Variants in CABIN1 observed in about 807,000 individuals in gnomAD.
CABIN1 encodes calcineurin-binding protein cabin-1.
A neutral mutation model predicts 227.7 loss-of-function variants in CABIN1; 133 were observed. The observed-to-expected ratio is 0.58, with a 90% CI of 0.51 to 0.67. CABIN1 has a LOEUF of 0.67. Among genes scored for constraint, CABIN1 ranks in the 30% least tolerant of loss-of-function variants. The pLI is 0.00. For missense variants in CABIN1, 2,408 were observed against 2,852.5 expected (o/e 0.84, Z 3.55); for synonymous variants, 1,086 against 1,155.1 (o/e 0.94, Z 1.21).
At chr22:24,112,451 G>T (rs1255190068) in intron 26 of CABIN1, among the ~76,000 whole-genome samples, 2 of 152,146 alleles carry the variant, frequency 1.3e-5, no homozygotes, top group Non-Finnish European at 2.9e-5. Flanking sequence ...TTGCCACAAG[G>T]TTTTTCTCAA....
intron 29 of CABIN1, among the ~76,000 whole-genome samples, chr22:24,135,178 G>A (rs1602277278): frequency 1.3e-5 from 2 of 151,860 alleles, no homozygotes; most frequent in Admixed American, 1.3e-4. Context: ...ATCATCTGAG[G>A]TCAGGAGTTC....
intron 28 of CABIN1, among the ~76,000 whole-genome samples, chr22:24,127,931 A>C (rs1258178463): frequency 6.6e-6 from 1 of 152,138 alleles, no homozygotes. Context: ...GGGACCAAAT[A>C]ATTCTCTGTT....
At chr22:24,028,372 A>G (rs1187416481) in intron 1 of CABIN1, among the ~76,000 whole-genome samples, 1 of 152,196 alleles carries the variant, frequency 6.6e-6, no homozygotes, top group Admixed American at 6.5e-5. Context: ...TGAGATGAGA[A>G]TGCTCCTCCT....
At chr22:24,067,974 T>C (rs548351522) in intron 16 of CABIN1, among the ~76,000 whole-genome samples, 1 of 152,310 alleles carries the variant, frequency 6.6e-6, no homozygotes, top group South Asian at 2.1e-4. Flanking sequence ...TGGTCCCTTA[T>C]GCTTCATCCT....
chr22:24,021,482 T>G (rs1010822832), intron 1 of CABIN1, among the ~76,000 whole-genome samples: 13 of 151,850 alleles, frequency 8.6e-5, no homozygotes, highest in Admixed American at 3.3e-4. Flanking sequence ...AAAAAATTAT[T>G]TATTTATTAT....
intron 28 of CABIN1, among the ~76,000 whole-genome samples, chr22:24,130,608 C>G (rs2044014378): frequency 3.3e-5 from 5 of 152,116 alleles, no homozygotes; most frequent in Admixed American, 2.6e-4. Flanking sequence ...ATCCCCTTCC[C>G]CCTTGCAGAG....
intron 29 of CABIN1, among the ~76,000 whole-genome samples, chr22:24,150,801 G>A (rs1453140912): frequency 1.3e-5 from 2 of 152,208 alleles, no homozygotes; most frequent in Non-Finnish European, 2.9e-5. Flanking sequence ...TCCAGTGGGA[G>A]CATCTTGTCA....
At chr22:24,126,998 C>CA (rs36026569) in intron 28 of CABIN1, among the ~76,000 whole-genome samples, 4,562 of 70,482 alleles carry the variant, frequency 0.065, 113 homozygotes, top group African/African-American at 0.13. Context: ...GACTCTGTCT[C>CA]AAAAAAAAAA....
chr22:24,173,988 G>GT (rs201370185), intron 34 of CABIN1, among the ~76,000 whole-genome samples: 376 of 141,758 alleles, frequency 2.7e-3, no homozygotes, highest in South Asian at 5.7e-3. Context: ...CTTGGTATGG[G>GT]TTTTTTTTTT....
intron 1 of CABIN1, among the ~76,000 whole-genome samples, chr22:24,024,377 C>G (rs1295315165): frequency 6.6e-6 from 1 of 152,112 alleles, no homozygotes; most frequent in Non-Finnish European, 1.5e-5. Flanking sequence ...ATTGCCAGAT[C>G]CAAGGACATG....
At chr22:24,133,466 G>A (rs1481688362) in intron 28 of CABIN1, among the ~76,000 whole-genome samples, 3 of 152,230 alleles carry the variant, frequency 2.0e-5, no homozygotes, top group Admixed American at 6.5e-5. Flanking sequence ...TGCGCCCAGC[G>A]CTGGGAAAGG....
intron 24 of CABIN1, among the ~76,000 whole-genome samples, chr22:24,095,291 C>T (rs1167270665): frequency 6.6e-6 from 1 of 152,256 alleles, no homozygotes; most frequent in African/African-American, 2.4e-5. Flanking sequence ...CTGGTTTTAA[C>T]CTGGCCCTGG....
intron 10 of CABIN1, 134 bp from the exon 11 acceptor site, chr22:24,059,093 G>T: frequency 9.0e-7 from 1 of 1,111,344 alleles, no homozygotes; most frequent in South Asian, 1.3e-5. Flanking sequence ...GGAGGCCTGG[G>T]TTCTGGACCC....
At chr22:24,068,271 T>C (rs1237604666) in intron 16 of CABIN1, among the ~76,000 whole-genome samples, 1 of 152,106 alleles carries the variant, frequency 6.6e-6, no homozygotes, top group African/African-American at 2.4e-5. Context: ...CAAGCCAAGA[T>C]CAGCGGATGA....
rs527482038 is a variant in CABIN1 at position 24,176,273 on chromosome 22, A to G, written c.6203A>G (p.Gln2068Arg). The G allele has an allele frequency of 5.8e-5, 93 of 1,598,840 alleles. No individual in the cohort carries two copies. The African/African-American group carries it at 1.1e-3, about 19-fold the overall frequency. ...LGTGAEPTCS[Q>R]EGKLRPEPRR... ...ACAGGCGCTGAGCCCACCTGCAGCC[A>G]GGGTAAGGCGAGTTGGGAGCAGCCC... Residue 2068 changes from glutamine (Q) to arginine (R), a missense_variant and splice_region_variant, in exon 35 of 37, where the codon CAG becomes CGG. Physicochemically the swap from Gln to Arg is conservative, Grantham distance 43. Coordinates refer to ENST00000263119, the MANE Select transcript of CABIN1 (RefSeq NM_012295.4).
At position 24,119,524 on chromosome 22, in the gene CABIN1, C is replaced by G; in HGVS notation, c.4458C>G (p.Leu1486=). The G allele has an allele frequency of 6.2e-7, 1 of 1,613,968 alleles. No individual in the cohort carries two copies. Among genetic ancestry groups the G allele is most frequent in the South Asian group, 1.1e-5 (1 of 91,086 alleles). ...TLWDGKKRGD[L]PGEPVAFPQG... ...GGGATGGGAAGAAGAGAGGGGACCT[C>G]CCAGGGGAGCCAGTGGCCTTCCCCC... The change falls in exon 28 of 37, where the codon CTC becomes CTG. Residue 1486 remains leucine (L), a synonymous_variant. Transcript: ENST00000263119.
intron 1 of CABIN1, among the ~76,000 whole-genome samples, chr22:24,023,242 G>C (rs35137768): frequency 0.018 from 2,803 of 152,132 alleles, 34 homozygotes; most frequent in Middle Eastern, 0.031. Context: ...CCTTTTTGTG[G>C]CTGAATACTA....
At chr22:24,117,030 G>T (rs1236215964) in intron 27 of CABIN1, among the ~76,000 whole-genome samples, 1 of 152,200 alleles carries the variant, frequency 6.6e-6, no homozygotes, top group East Asian at 1.9e-4. Flanking sequence ...GCCGGGAAAC[G>T]TGGTGTAGTC....
intron 24 of CABIN1, among the ~76,000 whole-genome samples, chr22:24,092,773 G>A (rs542899218): frequency 6.6e-6 from 1 of 151,568 alleles, no homozygotes; most frequent in East Asian, 1.9e-4. Flanking sequence ...GAATGTGAAG[G>A]CCCCTAGTGA....
Sources: gnomAD v4.1 joint callset for allele counts (sites outside exome capture counted in the v4.1 genomes callset) on GRCh38, gnomAD v4.1.1 for gene constraint, MANE v1.5 for transcripts, NCBI Gene and HGNC (gene_info 2026-07-23, HGNC 2026-07-21) for gene names.